PPP4R3A: variants seen among roughly 807,000 people sequenced by gnomAD.
The protein encoded by PPP4R3A is serine/threonine-protein phosphatase 4 regulatory subunit 3A.
Under a neutral mutation model 91.7 loss-of-function variants are expected in PPP4R3A, and 15 were observed. The ratio of observed to expected loss-of-function variants is 0.16; its 90% CI spans 0.11 to 0.25. The LOEUF (loss-of-function observed/expected upper bound fraction) is 0.25, where lower values mean the gene tolerates loss of function less well. Ranked by LOEUF, PPP4R3A falls within the 10% of genes least tolerant of loss-of-function variation. The pLI, the probability that PPP4R3A is intolerant of heterozygous loss-of-function variation, is 1.00. For missense variants in PPP4R3A, 623 were observed against 998.4 expected (o/e 0.62, Z 5.07); for synonymous variants, 377 against 348.7 (o/e 1.08, Z -0.91).
At chr14:91,494,514 T>G (rs1890421601) in intron 1 of PPP4R3A, among the ~76,000 whole-genome samples, 1 of 152,100 alleles carries the variant, frequency 6.6e-6, no homozygotes, top group Admixed American at 6.6e-5. Context: ...TACAAAAAAC[T>G]AGTAAGCATA....
intron 1 of PPP4R3A, among the ~76,000 whole-genome samples, chr14:91,504,534 G>A (rs1024680191): frequency 5.9e-5 from 9 of 151,760 alleles, no homozygotes; most frequent in East Asian, 3.9e-4. Context: ...CCCGGGAAGC[G>A]GAGGTTGCAG....
At chr14:91,471,280 C>T (rs1010806505) in intron 9 of PPP4R3A, among the ~76,000 whole-genome samples, 10 of 152,106 alleles carry the variant, frequency 6.6e-5, no homozygotes, top group African/African-American at 2.4e-4. Flanking sequence ...AGTTATGATA[C>T]AAATCTAGAG....
intron 1 of PPP4R3A, among the ~76,000 whole-genome samples, chr14:91,507,414 TATATA>T (rs1891406445): frequency 2.0e-5 from 2 of 100,052 alleles, no homozygotes; most frequent in East Asian, 2.5e-4. Flanking sequence ...TTATATATAC[TATATA>T]ATATATATAC....
chr14:91,509,766 G>A lies in PPP4R3A; in HGVS notation c.-119C>T. On this transcript the variant is annotated 5_prime_UTR_variant, in exon 1 of 15. The change creates a premature stop within an existing upstream ORF in the 5' untranslated region. Coordinates refer to ENST00000554943, the MANE Select transcript of PPP4R3A (RefSeq NM_001366432.2). ...GAGCGGAGGGCTCCCCGGCCTCACT[G>A]CCGCCGCTGGGCGCCGCGGGGCCGC... is the stretch of plus-strand genomic sequence containing the variant. The A allele has an allele frequency of 1.5e-6, 2 of 1,296,826 alleles. No individual in the cohort carries two copies. The highest frequency in any genetic ancestry group is 1.9e-6 in the Non-Finnish European group (2 of 1,027,116). 80.3% of individuals were successfully genotyped at this position (1,296,826 alleles called of 1,614,324 possible).
At chr14:91,458,976 G>A (rs1263574163) in intron 14 of PPP4R3A, 107 bp from the exon 15 acceptor site, 1 of 1,272,768 alleles carries the variant, frequency 7.9e-7, no homozygotes, top group African/African-American at 1.5e-5. Context: ...TAGTAACGGT[G>A]GTTATTTCTG....
Position 91,481,672 on chromosome 14 carries a change from C to G in PPP4R3A, c.819G>C (p.Met273Ile). Residue 273 changes from methionine to isoleucine, a missense_variant, in exon 4 of 15, where the codon ATG becomes ATC. Physicochemically the swap from Met to Ile is conservative, Grantham distance 10. Transcript: ENST00000554943. ...QTYRVQYIQD[M>I]VLPTPSVFEE... is the part of the protein sequence containing the mutation. ...CAAAGACCGAAGGAGTTGGTAGAAC[C>G]ATATCTTGTATATACTGAACTCTGT... 1 of 1,613,202 alleles carries G rather than the reference C, an allele frequency of 6.2e-7. No homozygotes were observed. The highest frequency in any genetic ancestry group is 8.5e-7 in the Non-Finnish European group (1 of 1,179,808).
chr14:91,509,633 C>T lies in PPP4R3A; in HGVS notation c.15G>A (p.Arg5=). 1.9e-6 allele frequency: 3 copies of T among 1,599,368 alleles called. No individual in the cohort carries two copies. Among genetic ancestry groups the T allele is most frequent in the Non-Finnish European group, 8.5e-7 (1 of 1,178,726 alleles). Residue 5 remains arginine, a synonymous_variant, in exon 1 of 15, where the codon CGG becomes CGA. Transcript: ENST00000554943. ...TGAGCGTGTACACCTTCACCCGCCG[C>T]CGGGTGTCGGTCATCGTGCCGCCCG... MTDT[R]RRVKVYTLNE...
Position 91,469,262 on chromosome 14 carries a change from A to G in PPP4R3A, c.1660+1575T>C, listed in dbSNP as rs190093038. Among the ~76,000 whole-genome samples, 664 of 152,358 alleles carry G rather than the reference A, an allele frequency of 4.4e-3. 12 individuals are homozygous for G. The highest frequency in any genetic ancestry group is 0.026 in the Admixed American group (404 of 15,302). ...CATCTTAATTTCAGAGATAATGTTT[A>G]AAAGTGTACATTTTTTGAATCAATG... On this transcript the variant is annotated intron_variant, in intron 10 of 14. Coordinates refer to ENST00000554943, the MANE Select transcript of PPP4R3A (RefSeq NM_001366432.2).
At position 91,509,937 on chromosome 14, in the gene PPP4R3A, G is replaced by C. The variant is rs1221420323; in HGVS notation, c.-290C>G. ...GCCGCGCAGCGCTTCGTAGCCTCCC[G>C]CCCCGCAGCGCTAGGAACTCGGGGC... On this transcript the variant is annotated 5_prime_UTR_variant, in exon 1 of 15. Coordinates refer to ENST00000554943, the MANE Select transcript of PPP4R3A (RefSeq NM_001366432.2). 9.7e-7 allele frequency: 1 copy of C among 1,031,752 alleles called. No homozygotes were observed. Among genetic ancestry groups the C allele is most frequent in the Admixed American group, 5.7e-5 (1 of 17,424 alleles). The allele number at this position is 1,031,752 out of a possible 1,614,324, so 63.9% of individuals were successfully genotyped here.
intron 2 of PPP4R3A, among the ~76,000 whole-genome samples, chr14:91,486,275 T>A (rs1263530158): frequency 1.3e-5 from 2 of 150,876 alleles, no homozygotes; most frequent in Non-Finnish European, 2.9e-5. Context: ...CTTAGCAAAG[T>A]GCTATGGTTC....
intron 9 of PPP4R3A, among the ~76,000 whole-genome samples, chr14:91,471,838 CAG>C (rs1888856378): frequency 6.6e-6 from 1 of 151,990 alleles, no homozygotes; most frequent in Non-Finnish European, 1.5e-5. Context: ...CCAAGGTGGG[CAG>C]ATCACTTGAG....
rs1008166978 is a variant in PPP4R3A at position 91,481,798 on chromosome 14, T to C, written c.693A>G (p.Ser231=). 5 of 1,614,098 alleles carry C rather than the reference T, an allele frequency of 3.1e-6. No homozygotes were observed. The highest frequency in any genetic ancestry group is 1.6e-4 in the Middle Eastern group (1 of 6,062). Residue 231 remains serine, a synonymous_variant, in exon 4 of 15, where the codon TCA becomes TCG. Transcript: ENST00000554943. The part of the protein sequence containing the change: ...IGCLEYDPAL[S]QPRKHREFLT... ...GAAATTCCCTGTGTTTTCGTGGTTG[T>C]GATAAAGCAGGATCATATTCTAAAC...
chr14:91,461,963 A>T, intron 13 of PPP4R3A, 86 bp downstream of exon 13: 1 of 1,414,664 alleles, frequency 7.1e-7, no homozygotes, highest in Non-Finnish European at 9.2e-7. Context: ...ACACCTTCCA[A>T]GCAAATAATC....
intron 4 of PPP4R3A, among the ~76,000 whole-genome samples, 164 bp downstream of exon 4, chr14:91,481,411 AC>A (rs1404086241): frequency 6.6e-6 from 1 of 152,176 alleles, no homozygotes; most frequent in Non-Finnish European, 1.5e-5. Flanking sequence ...AGATAGAGTA[AC>A]CTTCTGGTCT....
intron 3 of PPP4R3A, among the ~76,000 whole-genome samples, chr14:91,483,908 AATGACAAAGTG>A (rs1889718163): frequency 1.3e-5 from 2 of 152,350 alleles, no homozygotes; most frequent in South Asian, 4.1e-4. Context: ...CAGGCATGAC[AATGACAAAGTG>A]AGTTCAGGTT....
intron 1 of PPP4R3A, among the ~76,000 whole-genome samples, chr14:91,508,673 A>C (rs1595098588): frequency 6.6e-6 from 1 of 152,232 alleles, no homozygotes; most frequent in Non-Finnish European, 1.5e-5. Flanking sequence ...AAAAACGTGA[A>C]ACACTTATTT....
intron 1 of PPP4R3A, among the ~76,000 whole-genome samples, chr14:91,491,567 C>T (rs1216874348): frequency 6.6e-6 from 1 of 151,950 alleles, no homozygotes; most frequent in Non-Finnish European, 1.5e-5. Flanking sequence ...GCCACCACGC[C>T]CAGATAATTT....
chr14:91,474,265 G>GA (rs1266271778), intron 7 of PPP4R3A, among the ~76,000 whole-genome samples: 1 of 152,158 alleles, frequency 6.6e-6, no homozygotes, highest in African/African-American at 2.4e-5. Flanking sequence ...AAATATCAAA[G>GA]AAAAGAGATG....
Position 91,458,493 on chromosome 14 carries a change from T to G in PPP4R3A, c.*266A>C. On this transcript the variant is annotated 3_prime_UTR_variant, in exon 15 of 15. Transcript: ENST00000554943. ...TTACAAAACCCCTGCCCTGTTGGCT[T>G]TTTGTTTCCATTTCCTTCCCTGAGA... The G allele has an allele frequency of 2.0e-6, 1 of 499,446 alleles. No homozygotes were observed. Among genetic ancestry groups the G allele is most frequent in the Non-Finnish European group, 3.6e-6 (1 of 275,026 alleles). The allele number at this position is 499,446 out of a possible 1,614,324, so 30.9% of individuals were successfully genotyped here.
Sources: gnomAD v4.1 joint callset for allele counts (sites outside exome capture counted in the v4.1 genomes callset) on GRCh38, gnomAD v4.1.1 for gene constraint, MANE v1.5 for transcripts, NCBI Gene and HGNC (gene_info 2026-07-23, HGNC 2026-07-21) for gene names.